SLC7A8: variants seen among roughly 807,000 people sequenced by gnomAD.
SLC7A8 encodes large neutral amino acids transporter small subunit 2.
SLC7A8 carries 30 observed loss-of-function variants against 51.2 expected under a neutral mutation model. The ratio of observed to expected loss-of-function variants is 0.59; its 90% CI spans 0.44 to 0.80. The LOEUF is 0.80. Ranked by LOEUF, SLC7A8 falls within the 30% of genes least tolerant of loss-of-function variation. The probability of loss-of-function intolerance (pLI) is 0.00; values close to 1 mark genes in which losing one functional copy is unlikely to be tolerated. For missense variants in SLC7A8, 612 were observed against 674.4 expected, an observed-to-expected ratio of 0.91 and a Z score of 1.03; for synonymous variants, 257 against 275.8, an observed-to-expected ratio of 0.93 and a Z score of 0.67.
At chr14:23,178,473 G>A (rs537530671) in intron 1 of SLC7A8, among the ~76,000 whole-genome samples, 1 of 152,286 alleles carries the variant, frequency 6.6e-6, no homozygotes, top group South Asian at 2.1e-4. Flanking sequence ...CAGGTTCCCA[G>A]CAGCCCTGCA....
chr14:23,177,847 C>T (rs1262170339), intron 1 of SLC7A8, among the ~76,000 whole-genome samples: 1 of 152,208 alleles, frequency 6.6e-6, no homozygotes, highest in Non-Finnish European at 1.5e-5. Flanking sequence ...GAGTCTTCCT[C>T]ACTGGGAACA....
Position 23,140,481 on chromosome 14 carries a change from C to G in SLC7A8, c.778G>C (p.Asp260His), listed in dbSNP as rs1460713968. 1.2e-6 allele frequency: 2 copies of G among 1,612,372 alleles called. No individual in the cohort carries two copies. The highest frequency in any genetic ancestry group is 1.7e-6 in the Non-Finnish European group (2 of 1,178,728). Residue 260 changes from aspartate (D) to histidine (H), a missense_variant, in exon 5 of 11, where the codon GAT becomes CAT. Coordinates refer to ENST00000316902, the MANE Select transcript of SLC7A8 (RefSeq NM_012244.4). ...GCTCTTTCAACTCACTTGTAGGGAT[C>G]AACAAGCTCCTCAGTCACGTAATTC... ...FLNYVTEELV[D>H]PYKNLPRAIF...
chr14:23,164,181 T>C (rs755288470), intron 3 of SLC7A8, among the ~76,000 whole-genome samples: 1 of 152,208 alleles, frequency 6.6e-6, no homozygotes, highest in Non-Finnish European at 1.5e-5. Context: ...AACCACAGTA[T>C]CTGTCTATAT....
chr14:23,183,137 TAAAA>T lies in SLC7A8; in HGVS notation c.-227_-224del, dbSNP rs60162914. 74 of 91,046 alleles carry T rather than the reference TAAAA, an allele frequency of 8.1e-4. No homozygotes were observed. The South Asian group carries it at 0.013, about 16-fold the overall frequency. The allele number at this position is 91,046 out of a possible 1,614,324, so 5.6% of individuals were successfully genotyped here. On this transcript the variant is annotated 5_prime_UTR_variant, in exon 1 of 11. The change abolishes the stop of an existing upstream ORF in the 5' untranslated region. Transcript: ENST00000316902. ...CGTTTACAAACAAGAAAAGTGTTGC[TAAAA>T]AAAAAAAAAAAAAAAAAGGCCAGGG... is the stretch of plus-strand genomic sequence containing the variant.
In SLC7A8 at chr14:23,183,230, A is replaced by G. The variant is rs554595957; in HGVS notation, c.-316T>C. On this transcript the variant is annotated 5_prime_UTR_variant, in exon 1 of 11. Coordinates refer to ENST00000316902, the MANE Select transcript of SLC7A8 (RefSeq NM_012244.4). ...CGACTCCGGCTGGAATTCTGCTGAA[A>G]GGGATGTGTCTTCAGAAACCAGGAT... The G allele has an allele frequency of 3.3e-6, 1 of 299,538 alleles. No homozygotes were observed. The highest frequency in any genetic ancestry group is 2.3e-5 in the African/African-American group (1 of 44,336). 18.6% of individuals were successfully genotyped at this position (299,538 alleles called of 1,614,324 possible). A position where few individuals can be genotyped will look rare whatever the true frequency, so the allele number is the denominator to read the frequency against.
At chr14:23,163,156 C>T (rs997928693) in intron 3 of SLC7A8, among the ~76,000 whole-genome samples, 2 of 152,156 alleles carry the variant, frequency 1.3e-5, no homozygotes, top group African/African-American at 2.4e-5. Context: ...GCATCTTGCC[C>T]ACCCCCAGTG....
chr14:23,163,966 CTT>C (rs3216637), intron 3 of SLC7A8, among the ~76,000 whole-genome samples: 3 of 143,200 alleles, frequency 2.1e-5, no homozygotes. Context: ...TTTTTAATTT[CTT>C]TTTTTTTTTT....
chr14:23,127,627 C>T (rs113247583), intron 10 of SLC7A8, among the ~76,000 whole-genome samples: 156 of 152,348 alleles, frequency 1.0e-3, no homozygotes, highest in African/African-American at 3.5e-3. Flanking sequence ...CACAGAATGG[C>T]TGACAGGTTG....
chr14:23,147,437 A>C (rs1029738359), intron 3 of SLC7A8, among the ~76,000 whole-genome samples: 2 of 152,238 alleles, frequency 1.3e-5, no homozygotes, highest in Non-Finnish European at 2.9e-5. Context: ...GCTAGTGGGC[A>C]TCTATGAGGA....
chr14:23,139,385 G>C, intron 6 of SLC7A8, 39 bp downstream of exon 6: 13 of 1,612,932 alleles, frequency 8.1e-6, no homozygotes, highest in Non-Finnish European at 1.1e-5. Flanking sequence ...GTCTATGTCT[G>C]CATTCCTGGT....
chr14:23,178,840 G>A (rs561860569), intron 1 of SLC7A8, among the ~76,000 whole-genome samples: 1 of 135,646 alleles, frequency 7.4e-6, no homozygotes, highest in East Asian at 2.3e-4. Flanking sequence ...AGCTATGATT[G>A]CACCACTGTA....
intron 3 of SLC7A8, among the ~76,000 whole-genome samples, chr14:23,152,200 G>C (rs1380084624): frequency 6.6e-6 from 1 of 152,170 alleles, no homozygotes; most frequent in East Asian, 1.9e-4. Context: ...CCTGATGTTG[G>C]CAAACTACAA....
intron 9 of SLC7A8, 40 bp downstream of exon 9, chr14:23,129,610 T>TAG (rs749395630): frequency 6.2e-7 from 1 of 1,605,144 alleles, no homozygotes; most frequent in Admixed American, 1.7e-5. Context: ...GCTAGAACCA[T>TAG]AGAGGAAGGG....
At chr14:23,181,199 T>G (rs567898407) in intron 1 of SLC7A8, among the ~76,000 whole-genome samples, 2 of 152,304 alleles carry the variant, frequency 1.3e-5, no homozygotes, top group East Asian at 3.9e-4. Context: ...GAACGGGCTA[T>G]TTATAGACCT....
chr14:23,131,625 T>A (rs2048634556), intron 7 of SLC7A8, 68 bp from the exon 8 acceptor site: 6 of 1,275,820 alleles, frequency 4.7e-6, no homozygotes, highest in Middle Eastern at 2.2e-4. Context: ...TCCTTCATCC[T>A]TGCCTACCTT....
chr14:23,131,684 T>C (rs1283750504), intron 7 of SLC7A8, 127 bp from the exon 8 acceptor site: 1 of 618,108 alleles, frequency 1.6e-6, no homozygotes. Context: ...CGCCTTCACA[T>C]GCATACTTTC....
intron 3 of SLC7A8, among the ~76,000 whole-genome samples, chr14:23,153,274 GC>G (rs1337133634): frequency 6.6e-6 from 1 of 152,202 alleles, no homozygotes; most frequent in African/African-American, 2.4e-5. Flanking sequence ...CACCATGGCG[GC>G]CCCAGAACCT....
At chr14:23,181,959 C>T (rs1039910218) in intron 1 of SLC7A8, among the ~76,000 whole-genome samples, 2 of 152,226 alleles carry the variant, frequency 1.3e-5, no homozygotes, top group African/African-American at 2.4e-5. Flanking sequence ...CTTGGGGCCA[C>T]CCAGGTTCCC....
At position 23,166,453 on chromosome 14, in the gene SLC7A8, A is replaced by T; in HGVS notation, c.239T>A (p.Ile80Asn). Residue 80 changes from isoleucine to asparagine, a missense_variant, in exon 2 of 11, where the codon ATT becomes AAT. Transcript: ENST00000316902. ...GSVGLALIVWIVTGFITVVGA... is the reference protein window; with the variant it reads ...GSVGLALIVWNVTGFITVVGA... ...CACAACTGTGATGAAGCCCGTCACA[A>T]TCCAGACGATGAGAGCAAGGCCCAC... The T allele has an allele frequency of 6.2e-7, 1 of 1,614,158 alleles. No individual in the cohort carries two copies. Among genetic ancestry groups the T allele is most frequent in the Non-Finnish European group, 8.5e-7 (1 of 1,180,032 alleles).
Sources: gnomAD v4.1 joint callset for allele counts (sites outside exome capture counted in the v4.1 genomes callset) on GRCh38, gnomAD v4.1.1 for gene constraint, MANE v1.5 for transcripts, NCBI Gene and HGNC (gene_info 2026-07-23, HGNC 2026-07-21) for gene names.